DMRT1: variants seen among roughly 807,000 people sequenced by gnomAD.
The protein encoded by DMRT1 is doublesex- and mab-3-related transcription factor 1.
Under a neutral mutation model 32.3 loss-of-function variants are expected in DMRT1, and 7 were observed. The observed-to-expected ratio is 0.22, with a 90% CI of 0.12 to 0.41. DMRT1 has a LOEUF of 0.41. Ranked by LOEUF, DMRT1 falls within the 10% of genes least tolerant of loss-of-function variation. The pLI is 1.00. For missense variants in DMRT1, 625 were observed against 500.5 expected (o/e 1.25, Z -2.37); for synonymous variants, 278 against 206.1 (o/e 1.35, Z -2.99).
At chr9:905,805 G>A (rs532502576) in intron 3 of DMRT1, among the ~76,000 whole-genome samples, 1 of 152,234 alleles carries the variant, frequency 6.6e-6, no homozygotes, top group Admixed American at 6.5e-5. Flanking sequence ...TGTGGATGAG[G>A]AAACTGGGGC....
intron 4 of DMRT1, among the ~76,000 whole-genome samples, chr9:952,930 T>C (rs917162500): frequency 3.3e-5 from 5 of 152,234 alleles, no homozygotes; most frequent in African/African-American, 1.2e-4. Context: ...TTGATCATTT[T>C]TTAAAGCCGA....
intron 2 of DMRT1, among the ~76,000 whole-genome samples, chr9:866,346 G>C (rs1341400339): frequency 6.6e-6 from 1 of 151,972 alleles, no homozygotes. Context: ...CTGGCCTGCG[G>C]GTGGGACAAG....
intron 4 of DMRT1, among the ~76,000 whole-genome samples, chr9:954,791 G>A (rs1447331150): frequency 6.6e-6 from 1 of 151,840 alleles, no homozygotes; most frequent in Non-Finnish European, 1.5e-5. Flanking sequence ...ACAGGTGCGT[G>A]CCACCACGCC....
At chr9:911,476 T>TGTTTTTTTG (rs1564245149) in intron 3 of DMRT1, among the ~76,000 whole-genome samples, 29 of 46,466 alleles carry the variant, frequency 6.2e-4, no homozygotes, top group African/African-American at 3.4e-3. Context: ...TTGCATTTTT[T>TGTTTTTTTG]TTTTTTTTTT....
At chr9:910,024 A>G (rs933910369) in intron 3 of DMRT1, among the ~76,000 whole-genome samples, 9 of 152,186 alleles carry the variant, frequency 5.9e-5, no homozygotes, top group African/African-American at 1.9e-4. Context: ...GAGTCATTAC[A>G]CTATTTGTTT....
At chr9:914,935 A>G (rs1173008465) in intron 3 of DMRT1, among the ~76,000 whole-genome samples, 4 of 152,242 alleles carry the variant, frequency 2.6e-5, no homozygotes, top group African/African-American at 9.6e-5. Context: ...TGAATTGTCC[A>G]GAATGTAGAT....
At chr9:854,272 C>G (rs1418712856) in intron 2 of DMRT1, among the ~76,000 whole-genome samples, 3 of 151,738 alleles carry the variant, frequency 2.0e-5, no homozygotes, top group Non-Finnish European at 4.4e-5. Context: ...GCGCTACATG[C>G]CCAGCTAATT....
chr9:866,582 G>A (rs1377991043), intron 2 of DMRT1, among the ~76,000 whole-genome samples: 2 of 152,128 alleles, frequency 1.3e-5, no homozygotes, highest in African/African-American at 4.8e-5. Context: ...TTCATTAGGG[G>A]CAAACCAGAA....
intron 2 of DMRT1, among the ~76,000 whole-genome samples, chr9:859,112 A>C (rs958361242): frequency 7.9e-5 from 12 of 152,148 alleles, no homozygotes; most frequent in African/African-American, 2.9e-4. Flanking sequence ...CTGGCTTCTG[A>C]AATCACCTGT....
Position 877,938 on chromosome 9 carries a change from T to A in DMRT1, c.539-15974T>A, listed in dbSNP as rs1050285894. Among the ~76,000 whole-genome samples, 5 of 152,214 alleles carry A rather than the reference T, an allele frequency of 3.3e-5. No individual in the cohort carries two copies. The East Asian group carries it at 9.6e-4, about 29-fold the overall frequency. ...CAATGACCCATGGTTGGCTTTGGAATATACCATTAAAGTACTGGAGGTCAG... is the reference window on the plus strand; with the variant it reads ...CAATGACCCATGGTTGGCTTTGGAAAATACCATTAAAGTACTGGAGGTCAG... On this transcript the variant is annotated intron_variant, in intron 2 of 4. Coordinates refer to ENST00000382276, the MANE Select transcript of DMRT1 (RefSeq NM_021951.3).
intron 2 of DMRT1, among the ~76,000 whole-genome samples, chr9:883,296 C>T (rs1314744128): frequency 1.7e-4 from 26 of 151,876 alleles, no homozygotes; most frequent in Admixed American, 1.7e-3. Context: ...AAAATCTCTT[C>T]CTGGGAGAAA....
chr9:863,690 C>G (rs1332111242), intron 2 of DMRT1, among the ~76,000 whole-genome samples: 1 of 152,204 alleles, frequency 6.6e-6, no homozygotes, highest in Admixed American at 6.5e-5. Flanking sequence ...CCACAGAACT[C>G]TAAGATAGTC....
chr9:965,040 T>A lies in DMRT1; in HGVS notation c.968-2945T>A, dbSNP rs1404405467. ...AATTTTTAATTGGTATGAAATAATT[T>A]ACAACGGTCAACTATTAGCCTTCTC... On this transcript the variant is annotated intron_variant, in intron 4 of 4. Transcript: ENST00000382276. This position sits in a 1 kb window ranked among gnomAD's most constrained non-coding sequence, Gnocchi z 4.5. Among the ~76,000 whole-genome samples the A allele has an allele frequency of 4.6e-5, 7 of 152,200 alleles. No individual in the cohort carries two copies. Among genetic ancestry groups the A allele is most frequent in the African/African-American group, 1.4e-4 (6 of 41,446 alleles).
chr9:911,985 A>G (rs530663799), intron 3 of DMRT1, among the ~76,000 whole-genome samples: 27 of 152,282 alleles, frequency 1.8e-4, no homozygotes, highest in African/African-American at 6.5e-4. Context: ...TGCTGTAAAG[A>G]TACTACCCAA....
At chr9:898,798 T>C (rs1817467167) in intron 3 of DMRT1, among the ~76,000 whole-genome samples, 1 of 152,238 alleles carries the variant, frequency 6.6e-6, no homozygotes, top group Non-Finnish European at 1.5e-5. Flanking sequence ...GTCATCTTTT[T>C]ATTAGCTATC....
chr9:889,002 A>G (rs544263968), intron 2 of DMRT1, among the ~76,000 whole-genome samples: 3 of 151,924 alleles, frequency 2.0e-5, no homozygotes, highest in African/African-American at 7.3e-5. Context: ...AGCTTAGTAA[A>G]ATTCAGATTG....
chr9:862,491 G>C (rs1265877421), intron 2 of DMRT1, among the ~76,000 whole-genome samples: 2 of 149,832 alleles, frequency 1.3e-5, no homozygotes. Context: ...CGGTGCAAAG[G>C]GGAGACGAGG....
At chr9:908,826 C>T (rs571631863) in intron 3 of DMRT1, among the ~76,000 whole-genome samples, 5 of 152,244 alleles carry the variant, frequency 3.3e-5, no homozygotes, top group African/African-American at 1.2e-4. Context: ...ACTCCTCCCC[C>T]GTTTTCCCCT....
chr9:935,384 G>C (rs1818852675), intron 4 of DMRT1, among the ~76,000 whole-genome samples: 1 of 152,218 alleles, frequency 6.6e-6, no homozygotes, highest in African/African-American at 2.4e-5. Flanking sequence ...GTTTACAAAA[G>C]TGAAAAGTCA....
Sources: gnomAD v4.1 joint callset for allele counts (sites outside exome capture counted in the v4.1 genomes callset) on GRCh38, gnomAD v4.1.1 for gene constraint, Gnocchi (gnomAD v3.1) non-coding constraint, MANE v1.5 for transcripts, NCBI Gene and HGNC (gene_info 2026-07-23, HGNC 2026-07-21) for gene names.